The following CALN1 variants were observed in gnomAD, a reference collection of about 807,000 sequenced individuals.
CALN1 encodes the protein calneuron 1.
Under a neutral mutation model 30.6 loss-of-function variants are expected in CALN1, and 17 were observed. The ratio of observed to expected loss-of-function variants is 0.56; its 90% confidence interval spans 0.38 to 0.83. CALN1 has a LOEUF of 0.83. Among genes scored for constraint, CALN1 ranks in the 40% least tolerant of loss-of-function variants. The pLI, the probability that CALN1 is intolerant of heterozygous loss-of-function variation, is 0.00. For missense variants in CALN1, 291 were observed against 354.9 expected, an observed-to-expected ratio of 0.82 and a Z score of 1.45; for synonymous variants, 156 against 131.4, an observed-to-expected ratio of 1.19 and a Z score of -1.28.
At chr7:72,393,492 A>C (rs1345252615) in intron 2 of CALN1, among the ~76,000 whole-genome samples, 2 of 152,070 alleles carry the variant, frequency 1.3e-5, no homozygotes, top group East Asian at 3.9e-4. Flanking sequence ...AAAAACTAGC[A>C]TTCTACACCA....
At chr7:72,370,891 C>CA (rs1289282374) in intron 2 of CALN1, among the ~76,000 whole-genome samples, 2 of 151,314 alleles carry the variant, frequency 1.3e-5, no homozygotes, top group Non-Finnish European at 2.9e-5. Context: ...ACTAAAAATA[C>CA]AAAAAAATTA....
chr7:72,319,344 T>C (rs1800713249), intron 2 of CALN1, among the ~76,000 whole-genome samples: 1 of 152,258 alleles, frequency 6.6e-6, no homozygotes, highest in African/African-American at 2.4e-5. Flanking sequence ...CTTACATGAA[T>C]GGTGGCAGGC....
intron 3 of CALN1, among the ~76,000 whole-genome samples, chr7:72,227,100 G>C (rs1793736412): frequency 6.6e-6 from 1 of 152,088 alleles, no homozygotes; most frequent in South Asian, 2.1e-4. Context: ...TGGACGGCAA[G>C]GGTTGAAAGA....
chr7:72,027,693 C>T (rs1562989079), intron 4 of CALN1, among the ~76,000 whole-genome samples: 1 of 146,486 alleles, frequency 6.8e-6, no homozygotes, highest in Non-Finnish European at 1.5e-5. Flanking sequence ...CCTGGGTTGA[C>T]AGAGTGAGAC....
intron 4 of CALN1, among the ~76,000 whole-genome samples, chr7:72,100,395 C>T (rs1038389553): frequency 1.3e-5 from 2 of 151,968 alleles, no homozygotes; most frequent in Non-Finnish European, 2.9e-5. Context: ...TTGCCCAGAC[C>T]GGTCTTAAAT....
intron 2 of CALN1, among the ~76,000 whole-genome samples, chr7:72,366,513 G>C (rs746267992): frequency 7.1e-5 from 10 of 141,342 alleles, no homozygotes; most frequent in African/African-American, 1.9e-4. Flanking sequence ...TAGCTGTTGG[G>C]GTACAAGTAG....
intron 1 of CALN1, among the ~76,000 whole-genome samples, chr7:72,438,558 T>C (rs1458909964): frequency 6.6e-6 from 1 of 152,210 alleles, no homozygotes; most frequent in Non-Finnish European, 1.5e-5. Context: ...CCCATGAGAA[T>C]AGACCGTCTT....
At chr7:71,926,234 C>T (rs951537232) in intron 5 of CALN1, among the ~76,000 whole-genome samples, 1 of 151,280 alleles carries the variant, frequency 6.6e-6, no homozygotes, top group Non-Finnish European at 1.5e-5. Context: ...GAGCATTTCG[C>T]AAGTCTCCAG....
chr7:72,451,699 C>T (rs1327586117), upstream of CALN1, among the ~76,000 whole-genome samples: 3 of 152,140 alleles, frequency 2.0e-5, no homozygotes, highest in Non-Finnish European at 4.4e-5. Context: ...GCCCCATCCC[C>T]GGTGATTGAC....
chr7:71,962,329 G>C (rs1797289158), intron 5 of CALN1, among the ~76,000 whole-genome samples: 1 of 152,152 alleles, frequency 6.6e-6, no homozygotes, highest in Non-Finnish European at 1.5e-5. Context: ...CTTGAGCCCA[G>C]GAGTTTGAGG....
chr7:72,474,333 T>C, the CALN1 span, among the ~76,000 whole-genome samples: 7 of 152,190 alleles, frequency 4.6e-5, no homozygotes, highest in African/African-American at 1.4e-4. Flanking sequence ...CTTGGACAGA[T>C]AGTGAAACCA....
chr7:72,347,234 TTC>T (rs1286448782), intron 2 of CALN1, among the ~76,000 whole-genome samples: 7 of 151,882 alleles, frequency 4.6e-5, no homozygotes, highest in Admixed American at 6.6e-5. Context: ...ACAATTTTTT[TTC>T]TTTTTTTTTT....
At chr7:72,335,356 C>A (rs1473209998) in intron 2 of CALN1, among the ~76,000 whole-genome samples, 1 of 152,214 alleles carries the variant, frequency 6.6e-6, no homozygotes, top group Non-Finnish European at 1.5e-5. Context: ...GTTAAAGAAG[C>A]AGAACCTGAA....
chr7:72,346,834 C>G (rs1039242160), intron 2 of CALN1, among the ~76,000 whole-genome samples: 1 of 152,052 alleles, frequency 6.6e-6, no homozygotes, highest in African/African-American at 2.4e-5. Flanking sequence ...TTATTTTTAA[C>G]ACAGAATAAA....
At position 72,439,224 on chromosome 7, in the gene CALN1, G is replaced by T. The variant is rs993723010; in HGVS notation, c.-226+7818C>A. 2.6e-5 allele frequency among the ~76,000 whole-genome samples: 4 copies of T among 152,028 alleles called. No individual in the cohort carries two copies. The South Asian group carries it at 8.3e-4, about 32-fold the overall frequency. On this transcript the variant is annotated intron_variant, in intron 1 of 6. Coordinates refer to the CALN1 transcript ENST00000395276. ...TTTTAAAATTATTTATAGAAATGGG[G>T]TTTCGCCATGTTGCCCAGGTTGGTA... is the stretch of plus-strand genomic sequence containing the variant.
At chr7:71,852,304 G>T (rs1044326795) in intron 5 of CALN1, among the ~76,000 whole-genome samples, 2 of 151,924 alleles carry the variant, frequency 1.3e-5, no homozygotes, top group East Asian at 3.9e-4. Flanking sequence ...CCTAGGAGAA[G>T]AATGTTTGGG....
intron 2 of CALN1, among the ~76,000 whole-genome samples, chr7:72,330,671 T>C (rs1480765204): frequency 6.6e-6 from 1 of 152,230 alleles, no homozygotes; most frequent in Non-Finnish European, 1.5e-5. Flanking sequence ...CAATACATTC[T>C]GGTTGGATGA....
chr7:72,009,534 T>G (rs1288441822), intron 5 of CALN1, among the ~76,000 whole-genome samples: 2 of 152,234 alleles, frequency 1.3e-5, no homozygotes, highest in Non-Finnish European at 2.9e-5. Flanking sequence ...GAAAAAGCTA[T>G]CATATATTCA....
intron 5 of CALN1, among the ~76,000 whole-genome samples, chr7:71,885,175 G>A (rs982801333): frequency 6.6e-6 from 1 of 152,006 alleles, no homozygotes; most frequent in Non-Finnish European, 1.5e-5. Flanking sequence ...TTTTTGAGAC[G>A]GAGTCTTGCT....
Sources: gnomAD v4.1 joint callset for allele counts (sites outside exome capture counted in the v4.1 genomes callset) on GRCh38, gnomAD v4.1.1 for gene constraint, MANE v1.5 for transcripts, NCBI Gene and HGNC (gene_info 2026-07-23, HGNC 2026-07-21) for gene names.